STXBP5L: variants seen among roughly 807,000 people sequenced by gnomAD.
The protein encoded by STXBP5L is syntaxin binding protein 5L, also known as syntaxin-binding protein 5-like.
Under a neutral mutation model 144.5 loss-of-function variants are expected in STXBP5L, and 65 were observed. The ratio of observed to expected loss-of-function variants is 0.45; its 90% CI spans 0.37 to 0.55. The LOEUF is 0.55. STXBP5L is among the 20% of genes least tolerant of loss of function. STXBP5L has a pLI of 0.00. For synonymous variants in STXBP5L, 505 were observed against 469.6 expected, an observed-to-expected ratio of 1.08 and a Z score of -0.97; for missense variants, 1,298 against 1,405.5, an observed-to-expected ratio of 0.92 and a Z score of 1.22.
chr3:121,251,186 T>C (rs2050015630), intron 15 of STXBP5L, among the ~76,000 whole-genome samples: 1 of 152,210 alleles, frequency 6.6e-6, no homozygotes, highest in African/African-American at 2.4e-5. Context: ...TTGATAACTA[T>C]AAGAACTCTT....
chr3:120,998,462 C>T (rs1397177293), intron 3 of STXBP5L, among the ~76,000 whole-genome samples: 3 of 151,968 alleles, frequency 2.0e-5, no homozygotes, highest in Admixed American at 1.3e-4. Context: ...ATACACGTGC[C>T]ATGGTGGTTT....
At chr3:121,312,814 A>G (rs553399010) in intron 19 of STXBP5L, among the ~76,000 whole-genome samples, 2,935 of 152,068 alleles carry the variant, frequency 0.019, 88 homozygotes, top group African/African-American at 0.066. Context: ...AGGCAGAAGA[A>G]TTTTTCCTAG....
At chr3:121,271,173 C>A (rs2050724052) in intron 18 of STXBP5L, among the ~76,000 whole-genome samples, 2 of 152,164 alleles carry the variant, frequency 1.3e-5, no homozygotes, top group Non-Finnish European at 2.9e-5. Flanking sequence ...CCATAACTCC[C>A]TATCCTATAT....
intron 5 of STXBP5L, among the ~76,000 whole-genome samples, chr3:121,054,283 C>T (rs1410929857): frequency 6.6e-6 from 1 of 152,112 alleles, no homozygotes; most frequent in Non-Finnish European, 1.5e-5. Flanking sequence ...TATAAAGACA[C>T]ATGTGCACGA....
At chr3:121,403,065 C>T (rs148714433) in intron 22 of STXBP5L, among the ~76,000 whole-genome samples, 30 of 152,262 alleles carry the variant, frequency 2.0e-4, no homozygotes, top group Middle Eastern at 6.8e-3. Flanking sequence ...TCAGCAATCA[C>T]CATGTGTCCT....
chr3:121,402,724 T>G (rs925107490), intron 22 of STXBP5L, among the ~76,000 whole-genome samples: 20 of 152,190 alleles, frequency 1.3e-4, no homozygotes, highest in Non-Finnish European at 7.4e-5. Flanking sequence ...GCTCTTATGC[T>G]GCTAGGTAAT....
At chr3:121,105,222 C>T (rs2043637593) in intron 5 of STXBP5L, among the ~76,000 whole-genome samples, 1 of 151,770 alleles carries the variant, frequency 6.6e-6, no homozygotes. Context: ...ATGGTGAAAG[C>T]CCATCTCTAC....
chr3:121,144,243 G>A (rs2045629355), intron 7 of STXBP5L, among the ~76,000 whole-genome samples: 1 of 151,608 alleles, frequency 6.6e-6, no homozygotes, highest in Admixed American at 6.6e-5. Flanking sequence ...GTCAGGGGAA[G>A]AGAAGTTTTA....
At chr3:121,405,047 G>A (rs137953384) in intron 22 of STXBP5L, among the ~76,000 whole-genome samples, 11 of 152,060 alleles carry the variant, frequency 7.2e-5, no homozygotes, top group Non-Finnish European at 1.3e-4. Flanking sequence ...CATAGGGAGG[G>A]GGAGAGAGAG....
chr3:121,278,543 A>C (rs1444377179), intron 18 of STXBP5L, among the ~76,000 whole-genome samples: 2 of 152,006 alleles, frequency 1.3e-5, no homozygotes, highest in African/African-American at 4.8e-5. Context: ...TAACATAAAA[A>C]GTTTAAGGAT....
chr3:121,003,749 C>A (rs958201207), intron 3 of STXBP5L, among the ~76,000 whole-genome samples: 3 of 152,142 alleles, frequency 2.0e-5, no homozygotes, highest in African/African-American at 4.8e-5. Flanking sequence ...AGGAAGGGAT[C>A]CAGTTTCAGC....
At chr3:121,281,470 G>A (rs1292555699) in intron 19 of STXBP5L, among the ~76,000 whole-genome samples, 2 of 151,904 alleles carry the variant, frequency 1.3e-5, no homozygotes, top group Non-Finnish European at 2.9e-5. Context: ...AGGTGTTAGG[G>A]GGCAGTAGGC....
At chr3:121,138,248 A>G (rs918605471) in intron 7 of STXBP5L, among the ~76,000 whole-genome samples, 3 of 152,100 alleles carry the variant, frequency 2.0e-5, no homozygotes, top group African/African-American at 2.4e-5. Flanking sequence ...GACATTGATA[A>G]GAGAATTGAA....
At chr3:120,956,764 G>A (rs575168676) in intron 3 of STXBP5L, among the ~76,000 whole-genome samples, 15 of 151,924 alleles carry the variant, frequency 9.9e-5, no homozygotes, top group African/African-American at 2.9e-4. Flanking sequence ...GTTTCTCATA[G>A]CAGCTATACT....
intron 3 of STXBP5L, among the ~76,000 whole-genome samples, chr3:120,958,174 C>T (rs2107717552): frequency 6.6e-6 from 1 of 152,254 alleles, no homozygotes; most frequent in South Asian, 2.1e-4. Context: ...TGGATAAATT[C>T]CTGGACACAT....
chr3:121,090,076 T>C (rs2042702503), intron 5 of STXBP5L, among the ~76,000 whole-genome samples: 3 of 152,172 alleles, frequency 2.0e-5, no homozygotes, highest in African/African-American at 7.2e-5. Flanking sequence ...AACTATTGCC[T>C]TTTTTCATTC....
chr3:121,134,243 T>G (rs3856577), intron 7 of STXBP5L, among the ~76,000 whole-genome samples: 15,087 of 151,986 alleles, frequency 0.099, 1,182 homozygotes, highest in Admixed American at 0.2. Context: ...TGTGCTAATA[T>G]TCTAGCTCAG....
intron 5 of STXBP5L, among the ~76,000 whole-genome samples, chr3:121,084,382 C>A (rs1307466516): frequency 6.6e-6 from 1 of 152,074 alleles, no homozygotes; most frequent in African/African-American, 2.4e-5. Flanking sequence ...CAACAGGCCC[C>A]AGTGTGTGTT....
chr3:120,973,899 C>T (rs906310327), intron 3 of STXBP5L, among the ~76,000 whole-genome samples: 1 of 152,130 alleles, frequency 6.6e-6, no homozygotes, highest in Non-Finnish European at 1.5e-5. Context: ...GCATAGTATT[C>T]CATGGTGTAT....
Sources: gnomAD v4.1 joint callset for allele counts (sites outside exome capture counted in the v4.1 genomes callset) on GRCh38, gnomAD v4.1.1 for gene constraint, MANE v1.5 for transcripts, NCBI Gene and HGNC (gene_info 2026-07-23, HGNC 2026-07-21) for gene names.